The following EXOC4 variants were observed in gnomAD, a reference collection of about 807,000 sequenced individuals.
EXOC4 encodes the protein SEC8-like 1.
EXOC4 carries 71 observed loss-of-function variants against 107.2 expected under a neutral mutation model. The observed-to-expected ratio is 0.66, with a 90% CI of 0.55 to 0.81. EXOC4 has a LOEUF of 0.81. Among genes scored for constraint, EXOC4 ranks in the 30% least tolerant of loss-of-function variants. The probability of loss-of-function intolerance (pLI) is 0.00; values close to 1 mark genes in which losing one functional copy is unlikely to be tolerated. For missense variants in EXOC4, 1,108 were observed against 1,189.6 expected (o/e 0.93, Z 1.01); for synonymous variants, 456 against 441.2 (o/e 1.03, Z -0.42).
At chr7:134,038,004 C>T (rs1487551700) in intron 17 of EXOC4, among the ~76,000 whole-genome samples, 1 of 152,172 alleles carries the variant, frequency 6.6e-6, no homozygotes, top group East Asian at 1.9e-4. Flanking sequence ...ACATAGATAA[C>T]TTATCTTCCA....
At position 133,741,199 on chromosome 7, in the gene EXOC4, C is replaced by T. The variant is rs552275123; in HGVS notation, c.1515-76126C>T. ...CTCTTCACTTTGTCTCCTAAAGTAG[C>T]TCCCCAGCAGGTATCTTCATCTCTC... On this transcript the variant is annotated intron_variant, in intron 10 of 17. Transcript: ENST00000253861. 2.0e-5 allele frequency among the ~76,000 whole-genome samples: 3 copies of T among 152,210 alleles called. No homozygotes were observed. The South Asian group carries it at 6.2e-4, about 32-fold the overall frequency.
At chr7:133,253,738 T>G (rs764388279) in intron 1 of EXOC4, 2 of 158,228 alleles carry the variant, frequency 1.3e-5, no homozygotes, top group Non-Finnish European at 2.7e-5. Flanking sequence ...ACACATCGGT[T>G]TTCAATTTTT....
intron 7 of EXOC4, among the ~76,000 whole-genome samples, chr7:133,417,501 A>T (rs1229391835): frequency 1.3e-5 from 2 of 152,212 alleles, no homozygotes; most frequent in Admixed American, 6.5e-5. Context: ...AGAGCAGAAT[A>T]AATGTAGTGA....
In EXOC4 at chr7:133,730,371, G is replaced by A. The variant is rs140442160; in HGVS notation, c.1515-86954G>A. ...GTAACAGGATCCTCATGTATGGAGC[G>A]TTAGGATTAATTGTTTATGATGGCA... is the stretch of plus-strand genomic sequence containing the variant. On this transcript the variant is annotated intron_variant, in intron 10 of 17. Coordinates refer to ENST00000253861, the MANE Select transcript of EXOC4 (RefSeq NM_021807.4). Among the ~76,000 whole-genome samples, 13 of 151,886 alleles carry A rather than the reference G, an allele frequency of 8.6e-5. 1 individual carries two copies. In the South Asian group the frequency reaches 1.2e-3, roughly 15 times the overall value.
At chr7:133,326,802 A>G (rs1327390553) in intron 5 of EXOC4, among the ~76,000 whole-genome samples, 1 of 152,202 alleles carries the variant, frequency 6.6e-6, no homozygotes, top group Non-Finnish European at 1.5e-5. Flanking sequence ...CCCTGCCCCC[A>G]GAGGTGCAGT....
At chr7:133,739,077 C>G (rs1386290078) in intron 10 of EXOC4, among the ~76,000 whole-genome samples, 1 of 152,138 alleles carries the variant, frequency 6.6e-6, no homozygotes, top group Non-Finnish European at 1.5e-5. Context: ...ACCTTATACT[C>G]TTACTTCTGG....
At chr7:133,471,636 AT>A (rs1368352520) in intron 7 of EXOC4, among the ~76,000 whole-genome samples, 1 of 152,170 alleles carries the variant, frequency 6.6e-6, no homozygotes, top group Non-Finnish European at 1.5e-5. Flanking sequence ...CTGAGGATTA[AT>A]TTACAGAGTT....
At chr7:133,460,620 C>T (rs1286671792) in intron 7 of EXOC4, among the ~76,000 whole-genome samples, 1 of 151,824 alleles carries the variant, frequency 6.6e-6, no homozygotes, top group Non-Finnish European at 1.5e-5. Flanking sequence ...AATAGTATTA[C>T]TTTTTGTTTA....
chr7:134,013,146 G>T (rs1381500146), intron 17 of EXOC4, among the ~76,000 whole-genome samples: 5 of 152,198 alleles, frequency 3.3e-5, no homozygotes, highest in African/African-American at 7.2e-5. Context: ...TGCAATTAGA[G>T]TATTTTTAGT....
At chr7:133,729,555 C>T (rs1795283387) in intron 10 of EXOC4, among the ~76,000 whole-genome samples, 1 of 151,976 alleles carries the variant, frequency 6.6e-6, no homozygotes, top group Non-Finnish European at 1.5e-5. Context: ...TATTAGGGAG[C>T]AATGAAAAGG....
At chr7:133,329,545 C>A (rs1795330099) in intron 5 of EXOC4, among the ~76,000 whole-genome samples, 1 of 152,146 alleles carries the variant, frequency 6.6e-6, no homozygotes, top group African/African-American at 2.4e-5. Context: ...TGGTTTCACC[C>A]CATCTTCGTG....
chr7:133,407,759 C>T (rs1237775518), intron 7 of EXOC4, among the ~76,000 whole-genome samples: 1 of 152,132 alleles, frequency 6.6e-6, no homozygotes, highest in Middle Eastern at 3.2e-3. Flanking sequence ...GATGCAAAAA[C>T]ATTTAAAATC....
At chr7:133,302,122 G>A (rs1794654358) in intron 3 of EXOC4, among the ~76,000 whole-genome samples, 1 of 152,082 alleles carries the variant, frequency 6.6e-6, no homozygotes, top group Non-Finnish European at 1.5e-5. Context: ...CATTTTAACT[G>A]TGTGTTCAAG....
intron 12 of EXOC4, among the ~76,000 whole-genome samples, chr7:133,917,055 G>C (rs1348222829): frequency 1.3e-5 from 2 of 152,084 alleles, no homozygotes; most frequent in Non-Finnish European, 2.9e-5. Flanking sequence ...CTGACAACTG[G>C]GGCTGAGGGT....
At chr7:133,709,862 A>C (rs905461963) in intron 10 of EXOC4, among the ~76,000 whole-genome samples, 45 of 152,122 alleles carry the variant, frequency 3.0e-4, no homozygotes, top group Non-Finnish European at 5.9e-4. Context: ...CACTTTGAAG[A>C]GTGCTTGGCA....
intron 11 of EXOC4, among the ~76,000 whole-genome samples, chr7:133,824,691 G>A (rs1199810619): frequency 6.6e-6 from 1 of 152,088 alleles, no homozygotes; most frequent in Non-Finnish European, 1.5e-5. Flanking sequence ...AGCTCTGGAG[G>A]ACGATCCTTC....
chr7:133,571,614 G>T (rs562685960), intron 9 of EXOC4, among the ~76,000 whole-genome samples: 3 of 151,464 alleles, frequency 2.0e-5, no homozygotes, highest in African/African-American at 7.3e-5. Context: ...GTCAGCGGTT[G>T]CAGTGAGCCA....
At chr7:133,700,079 C>T (rs141519053) in intron 10 of EXOC4, among the ~76,000 whole-genome samples, 16 of 152,276 alleles carry the variant, frequency 1.1e-4, no homozygotes, top group African/African-American at 3.8e-4. Context: ...ATCCACATGA[C>T]ACTATTGCTT....
intron 2 of EXOC4, among the ~76,000 whole-genome samples, chr7:133,288,586 T>C (rs760288715): frequency 3.3e-5 from 5 of 152,218 alleles, no homozygotes; most frequent in Admixed American, 1.3e-4. Context: ...GACTCTCACA[T>C]TGATCATTCT....
Sources: gnomAD v4.1 joint callset for allele counts (sites outside exome capture counted in the v4.1 genomes callset) on GRCh38, gnomAD v4.1.1 for gene constraint, MANE v1.5 for transcripts, NCBI Gene and HGNC (gene_info 2026-07-23, HGNC 2026-07-21) for gene names.